The following FREM1 variants were observed in gnomAD, a reference collection of about 807,000 sequenced individuals.
The protein encoded by FREM1 is FRAS1 related extracellular matrix 1.
Under a neutral mutation model 210.1 loss-of-function variants are expected in FREM1, and 220 were observed. That is an observed-to-expected ratio of 1.05 (90% CI 0.94 to 1.17). The LOEUF (loss-of-function observed/expected upper bound fraction) is 1.17. Ranked by LOEUF, FREM1 falls within the 50% of genes most tolerant of loss-of-function variation. FREM1 has a pLI of 0.00. For missense variants in FREM1, 3,454 were observed against 2,675.5 expected (o/e 1.29, Z -6.42); for synonymous variants, 1,189 against 980.2 (o/e 1.21, Z -3.98).
chr9:14,868,411 T>C (rs902966534), intron 2 of FREM1, among the ~76,000 whole-genome samples: 4 of 152,174 alleles, frequency 2.6e-5, no homozygotes, highest in Non-Finnish European at 4.4e-5. Flanking sequence ...AAACAGTGCA[T>C]TATTAAGAAA....
In FREM1 at chr9:14,788,721, C is replaced by T. The variant is rs780318303; in HGVS notation, c.4177+198G>A. On this transcript the variant is annotated intron_variant, in intron 23 of 36. Transcript: ENST00000380880. Reference sequence around the variant, plus strand: ...TTTAAAATAACGAATGGATTGGCTACTTCTGTGAACCACATAGGTCCCAGG... The same window carrying T: ...TTTAAAATAACGAATGGATTGGCTATTTCTGTGAACCACATAGGTCCCAGG... 7.9e-4 allele frequency among the ~76,000 whole-genome samples: 121 copies of T among 152,230 alleles called. 5 individuals are homozygous for T. Among genetic ancestry groups the T allele is most frequent in the Non-Finnish European group, 5.6e-4 (38 of 68,026 alleles).
intron 30 of FREM1, 104 bp downstream of exon 30, chr9:14,750,023 T>C (rs1452596063): frequency 8.4e-7 from 1 of 1,195,754 alleles, no homozygotes; most frequent in East Asian, 2.4e-5. Flanking sequence ...GACAAGAAAT[T>C]AAGCATTTTG....
chr9:14,769,868 C>T lies in FREM1; in HGVS notation c.5060G>A (p.Gly1687Asp), dbSNP rs1283385436. The T allele has an allele frequency of 2.8e-6, 4 of 1,445,650 alleles. No homozygotes were observed. The highest frequency in any genetic ancestry group is 1.4e-5 in the African/African-American group (1 of 69,236). The allele number at this position is 1,445,650 out of a possible 1,614,324, so 89.6% of individuals were successfully genotyped here. A position where few individuals can be genotyped will look rare whatever the true frequency, so the allele number is the denominator to read the frequency against. ...GCTAAATTTCTCATGGATAAATTCA[C>T]CTAAAAAAAGAAATAAATGAATATC... Reference protein sequence around the residue: ...KHGHLENTTTGEFIHEKFSQK... With the variant: ...KHGHLENTTTDEFIHEKFSQK... The change falls in exon 27 of 37, where the codon GGT (glycine) becomes GAT (aspartate). Residue 1687 changes from glycine to aspartate, a missense_variant and splice_region_variant. Physicochemically the swap from Gly to Asp is moderately conservative, Grantham distance 94. Transcript: ENST00000380880.
At chr9:14,878,219 C>T (rs1462999375) in intron 1 of FREM1, among the ~76,000 whole-genome samples, 1 of 151,804 alleles carries the variant, frequency 6.6e-6, no homozygotes, top group Non-Finnish European at 1.5e-5. Flanking sequence ...GATCTGTTTC[C>T]CTCTTCTCTC....
At chr9:14,823,052 T>G in intron 13 of FREM1, 108 bp downstream of exon 13, 2 of 787,698 alleles carry the variant, frequency 2.5e-6, no homozygotes, top group Non-Finnish European at 3.7e-6. Flanking sequence ...AAATTTCTTT[T>G]ATAAGTTTAA....
chr9:14,888,653 T>C (rs1000435090), intron 1 of FREM1, among the ~76,000 whole-genome samples: 4 of 152,194 alleles, frequency 2.6e-5, no homozygotes, highest in African/African-American at 9.6e-5. Context: ...TTTAAATCAA[T>C]TAAATGTGTG....
At chr9:14,813,870 C>T (rs759943426) in intron 15 of FREM1, among the ~76,000 whole-genome samples, 6 of 152,222 alleles carry the variant, frequency 3.9e-5, no homozygotes, top group Non-Finnish European at 8.8e-5. Flanking sequence ...ACCTTCTTCC[C>T]TAATGCTCAG....
chr9:14,855,048 A>T (rs888503241), intron 5 of FREM1, among the ~76,000 whole-genome samples: 1 of 152,118 alleles, frequency 6.6e-6, no homozygotes, highest in East Asian at 1.9e-4. Context: ...GCTTTTTTTT[A>T]AACTAACATA....
intron 1 of FREM1, among the ~76,000 whole-genome samples, chr9:14,885,095 T>A (rs1835562061): frequency 6.6e-6 from 1 of 150,420 alleles, no homozygotes; most frequent in African/African-American, 2.5e-5. Context: ...CGGCTAATTT[T>A]TTGTATTTTT....
chr9:14,769,623 T>C (rs1002890112), intron 27 of FREM1, 101 bp downstream of exon 27: 55 of 1,234,050 alleles, frequency 4.5e-5, no homozygotes, highest in Non-Finnish European at 5.8e-5. Flanking sequence ...TATTAATTTA[T>C]CTTCTTGGGT....
At chr9:14,775,696 A>G in intron 25 of FREM1, 93 bp downstream of exon 25, 1 of 784,032 alleles carries the variant, frequency 1.3e-6, no homozygotes, top group Non-Finnish European at 1.9e-6. Flanking sequence ...TGACAGAGAG[A>G]GACTCCCTCT....
At chr9:14,849,293 A>C (rs779480278) in intron 6 of FREM1, among the ~76,000 whole-genome samples, 10 of 152,228 alleles carry the variant, frequency 6.6e-5, no homozygotes, top group African/African-American at 1.2e-4. Flanking sequence ...TATCTGATAC[A>C]AAATGGCAAT....
chr9:14,799,269 G>C (rs1217788719), intron 20 of FREM1, among the ~76,000 whole-genome samples: 4 of 151,276 alleles, frequency 2.6e-5, no homozygotes, highest in Admixed American at 1.3e-4. Flanking sequence ...CTAAGTGACA[G>C]TGCAAGACCC....
At position 14,801,662 on chromosome 9, in the gene FREM1, G is replaced by A; in HGVS notation, c.3684C>T (p.Leu1228=). ...HAPVHSFSME[L]LKTGMRLTYM... The stretch of plus-strand genomic sequence containing the variant: ...TGGAACATGCTATACCAGTCTTGAG[G>A]AGTTCCATGGAAAAGCTGTGAACAG... The change falls in exon 20 of 37, where the codon CTC becomes CTT. Residue 1228 remains leucine (L), a synonymous_variant. Transcript: ENST00000380880. 1 of 1,607,022 alleles carries A rather than the reference G, an allele frequency of 6.2e-7. No individual in the cohort carries two copies. Among genetic ancestry groups the A allele is most frequent in the Non-Finnish European group, 8.5e-7 (1 of 1,173,510 alleles).
chr9:14,767,119 T>C (rs1846570811), intron 27 of FREM1, among the ~76,000 whole-genome samples: 1 of 152,182 alleles, frequency 6.6e-6, no homozygotes, highest in South Asian at 2.1e-4. Context: ...GAACAGTTAC[T>C]AGATGAAGGG....
rs746895484 is a variant in FREM1 at position 14,759,902 on chromosome 9, CTG to C, written c.5205-3_5205-2del. ...AATATGAGACCACTTCAGTTCCAAA[CTG>C]TGTGTGAAAGGAAAAGAGAAATCAT... On this transcript the variant is annotated splice_acceptor_variant and splice_polypyrimidine_tract_variant and intron_variant, in intron 27 of 36. Coordinates refer to ENST00000380880, the MANE Select transcript of FREM1 (RefSeq NM_001379081.2). LOFTEE classifies it high-confidence loss of function. 8 of 1,607,804 alleles carry C rather than the reference CTG, an allele frequency of 5.0e-6. No homozygotes were observed. The East Asian group carries it at 1.6e-4, about 31-fold the overall frequency.
chr9:14,839,565 C>T (rs983618043), intron 10 of FREM1, among the ~76,000 whole-genome samples: 31 of 152,078 alleles, frequency 2.0e-4, no homozygotes, highest in Admixed American at 1.0e-3. Flanking sequence ...CTTTAGAAAC[C>T]TATCCATCAC....
chr9:14,891,426 G>T (rs992284680), intron 1 of FREM1, among the ~76,000 whole-genome samples: 2 of 152,174 alleles, frequency 1.3e-5, no homozygotes, highest in African/African-American at 4.8e-5. Flanking sequence ...ATAAACTAAT[G>T]ATTCAAAACA....
intron 27 of FREM1, among the ~76,000 whole-genome samples, chr9:14,763,842 T>C (rs1233466753): frequency 3.9e-5 from 6 of 152,202 alleles, no homozygotes; most frequent in Non-Finnish European, 2.9e-5. Flanking sequence ...GGTCTTTGGT[T>C]CATTGTGATA....
Sources: allele counts gnomAD v4.1 joint callset (sites outside exome capture counted in the v4.1 genomes callset), GRCh38; gene constraint gnomAD v4.1.1; transcripts MANE v1.5; gene names NCBI Gene and HGNC (gene_info 2026-07-23, HGNC 2026-07-21).